The following YEATS2 variants were observed in gnomAD, a reference collection of about 807,000 sequenced individuals.
YEATS2 encodes the protein YEATS domain containing 2.
In YEATS2, 77 loss-of-function variants were observed where a neutral mutation model predicts 163.2. The observed-to-expected ratio is 0.47, with a 90% CI of 0.39 to 0.57. The LOEUF (loss-of-function observed/expected upper bound fraction) is 0.57, where lower values mean the gene tolerates loss of function less well. Among genes scored for constraint, YEATS2 ranks in the 20% least tolerant of loss-of-function variants. The pLI, the probability that YEATS2 is intolerant of heterozygous loss-of-function variation, is 0.00. For synonymous variants in YEATS2, 631 were observed against 645.1 expected (o/e 0.98, Z 0.33); for missense variants, 1,549 against 1,729.8 (o/e 0.90, Z 1.85).
At position 183,758,960 on chromosome 3, in the gene YEATS2, G is replaced by A. The variant is rs1721056251; in HGVS notation, c.1651G>A (p.Val551Ile). The A allele has an allele frequency of 1.3e-6, 2 of 1,556,250 alleles. No individual in the cohort carries two copies. Among genetic ancestry groups the A allele is most frequent in the Non-Finnish European group, 1.7e-6 (2 of 1,150,146 alleles). ...TGGAAGTAGTTTTGTAACATCTACT[G>A]TCAAGGTAACATTCTTACTGCGTTA... ...IHGSSFVTST[V>I]KQEDSLFASM... The change falls in exon 13 of 31, where the codon GTC becomes ATC. Residue 551 changes from valine to isoleucine, a missense_variant. Physicochemically the swap from Val to Ile is conservative, Grantham distance 29. Coordinates refer to ENST00000305135, the MANE Select transcript of YEATS2 (RefSeq NM_018023.5).
Position 183,807,935 on chromosome 3 carries a change from G to A in YEATS2, c.4012-95G>A. 5.0e-6 allele frequency: 5 copies of A among 999,616 alleles called. No homozygotes were observed. The East Asian group carries it at 1.3e-4, about 27-fold the overall frequency. 61.9% of individuals were successfully genotyped at this position (999,616 alleles called of 1,614,324 possible). Reference sequence around the variant, plus strand: ...GTTTGCAGAGTCCTCCTTCCAACCAGGCATCGCTTTGCATGTCAGGGAGGT... The same window carrying A: ...GTTTGCAGAGTCCTCCTTCCAACCAAGCATCGCTTTGCATGTCAGGGAGGT... On this transcript the variant is annotated intron_variant, in intron 28 of 30. Transcript: ENST00000305135.
In YEATS2 at chr3:183,801,345, A is replaced by G. The variant is rs1416283935; in HGVS notation, c.3429-110A>G. On this transcript the variant is annotated intron_variant, in intron 24 of 30. Transcript: ENST00000305135. ...ACATGCTAATATGATGGTTTTAATT[A>G]TAATTCCCTCAGAACGGAATATATC... The G allele has an allele frequency of 2.2e-5, 15 of 675,380 alleles. 1 individual carries two copies. The allele number at this position is 675,380 out of a possible 1,614,324, so 41.8% of individuals were successfully genotyped here.
intron 9 of YEATS2, among the ~76,000 whole-genome samples, chr3:183,749,978 C>T (rs1003909317): frequency 9.9e-5 from 15 of 151,998 alleles, no homozygotes; most frequent in Admixed American, 2.0e-4. Context: ...CCACCACGCC[C>T]GGCTAATTTT....
intron 8 of YEATS2, among the ~76,000 whole-genome samples, chr3:183,738,472 T>C (rs1267845662): frequency 7.2e-6 from 1 of 138,732 alleles, no homozygotes; most frequent in East Asian, 2.3e-4. Context: ...TACATATGTA[T>C]ACATGTGCCA....
chr3:183,730,041 GTTTTTTGTTTGTTTTTTTTTTT>G, intron 7 of YEATS2, among the ~76,000 whole-genome samples: 1 of 83,170 alleles, frequency 1.2e-5, no homozygotes, highest in Non-Finnish European at 2.4e-5. Flanking sequence ...TAATTGTGTG[GTTTTTTGTTTGTTTTTTTTTTT>G]TTTTTTTTTT....
intron 26 of YEATS2, 86 bp from the exon 27 acceptor site, chr3:183,803,901 G>C: frequency 7.0e-7 from 1 of 1,432,254 alleles, no homozygotes; most frequent in Non-Finnish European, 9.6e-7. Context: ...GGTTAGGTTA[G>C]GATGGTGATT....
chr3:183,795,805 C>T (rs1725091929), intron 21 of YEATS2, among the ~76,000 whole-genome samples: 2 of 152,008 alleles, frequency 1.3e-5, no homozygotes, highest in South Asian at 2.1e-4. Flanking sequence ...TGTTAAACTC[C>T]TCAAGATCCT....
Position 183,804,102 on chromosome 3 carries a change from A to G in YEATS2, c.3698A>G (p.His1233Arg), listed in dbSNP as rs1472585021. 1.2e-6 allele frequency: 2 copies of G among 1,614,114 alleles called. No homozygotes were observed. The highest frequency in any genetic ancestry group is 1.7e-5 in the Admixed American group (1 of 60,006). Residue 1233 changes from histidine to arginine, a missense_variant, in exon 27 of 31, where the codon CAT becomes CGT. Coordinates refer to ENST00000305135, the MANE Select transcript of YEATS2 (RefSeq NM_018023.5). ...TKHIAHWCRC[H>R]GYTPPDPESL... ...CACATCGCTCACTGGTGCCGCTGTC[A>G]TGGCTACACCCCACCGGACCCTGAG... is the stretch of plus-strand genomic sequence containing the variant.
At chr3:183,748,440 C>T (rs955620942) in intron 9 of YEATS2, among the ~76,000 whole-genome samples, 5 of 151,770 alleles carry the variant, frequency 3.3e-5, no homozygotes, top group Admixed American at 2.0e-4. Context: ...ATAGTAGAGA[C>T]GGGGTTTCAC....
chr3:183,780,770 T>C (rs545451994), intron 19 of YEATS2, among the ~76,000 whole-genome samples: 1 of 152,352 alleles, frequency 6.6e-6, no homozygotes, highest in African/African-American at 2.4e-5. Flanking sequence ...AAATCTTTTT[T>C]ATTATAAAGG....
chr3:183,753,582 T>C (rs1246014524), intron 10 of YEATS2, among the ~76,000 whole-genome samples: 2 of 152,276 alleles, frequency 1.3e-5, no homozygotes, highest in Admixed American at 6.5e-5. Context: ...ACCCCGTCTC[T>C]ACTAAAAATA....
Position 183,717,457 on chromosome 3 carries a change from A to G in YEATS2, c.101-194A>G, listed in dbSNP as rs370234948. 1.2e-4 allele frequency among the ~76,000 whole-genome samples: 19 copies of G among 152,306 alleles called. No individual in the cohort carries two copies. The East Asian group carries it at 1.9e-3, about 15-fold the overall frequency. ...GAATGGTGTCTTTTTAGGGCATGAT[A>G]CTAGAAAGTACACGAGATCACTTTA... On this transcript the variant is annotated intron_variant, in intron 2 of 30. Transcript: ENST00000305135.
In YEATS2 at chr3:183,800,553, G is replaced by A. The variant is rs1358198744; in HGVS notation, c.3413G>A (p.Gly1138Glu). The A allele has an allele frequency of 1.2e-6, 2 of 1,613,772 alleles. No homozygotes were observed. The highest frequency in any genetic ancestry group is 1.1e-5 in the South Asian group (1 of 91,056). ...AVKTEESSELGNYVIKIDHLE... is the reference protein window; with the variant it reads ...AVKTEESSELENYVIKIDHLE... ...AAAACAGAAGAAAGTTCTGAGCTGG[G>A]AAACTATGTCATTAAGTAATTCTTC... Residue 1138 changes from glycine to glutamate, a missense_variant, in exon 24 of 31, where the codon GGA becomes GAA. Transcript: ENST00000305135.
intron 17 of YEATS2, among the ~76,000 whole-genome samples, chr3:183,775,268 A>G (rs139121950): frequency 2.6e-5 from 4 of 152,330 alleles, no homozygotes; most frequent in African/African-American, 4.8e-5. Flanking sequence ...AAAGTTGGGA[A>G]GCACCTAGCT....
At chr3:183,762,033 T>C (rs1160440489) in intron 14 of YEATS2, 64 bp from the exon 15 acceptor site, 5 of 1,604,068 alleles carry the variant, frequency 3.1e-6, no homozygotes, top group African/African-American at 1.3e-5. Context: ...GAGTCAGATA[T>C]TAGCAGCTTT....
chr3:183,729,351 G>T (rs1717469973), intron 7 of YEATS2, among the ~76,000 whole-genome samples: 1 of 151,378 alleles, frequency 6.6e-6, no homozygotes, highest in African/African-American at 2.4e-5. Flanking sequence ...CTATCCAATT[G>T]TTACCACACT....
intron 1 of YEATS2, among the ~76,000 whole-genome samples, chr3:183,699,501 A>G (rs1434099326): frequency 6.6e-6 from 1 of 151,510 alleles, no homozygotes; most frequent in Non-Finnish European, 1.5e-5. Context: ...TTGAGCCCAG[A>G]TATTCTAGAC....
At chr3:183,720,721 C>T (rs1027307494) in intron 4 of YEATS2, among the ~76,000 whole-genome samples, 1 of 152,224 alleles carries the variant, frequency 6.6e-6, no homozygotes, top group East Asian at 1.9e-4. Context: ...CCATAAGCTT[C>T]GTGATGTAAA....
intron 20 of YEATS2, among the ~76,000 whole-genome samples, chr3:183,789,845 G>C (rs263020): frequency 0.45 from 68,244 of 151,792 alleles, 15,591 homozygotes; most frequent in Middle Eastern, 0.56. Context: ...GGCCGCTCTA[G>C]TTAATTTTTG....
Sources: gnomAD v4.1 joint callset for allele counts (sites outside exome capture counted in the v4.1 genomes callset) on GRCh38, gnomAD v4.1.1 for gene constraint, MANE v1.5 for transcripts, NCBI Gene and HGNC (gene_info 2026-07-23, HGNC 2026-07-21) for gene names.